GTF2F2: variants seen among roughly 807,000 people sequenced by gnomAD.
GTF2F2 encodes the protein ATP-dependent helicase GTF2F2.
A neutral mutation model predicts 42.2 loss-of-function variants in GTF2F2; 23 were observed. That is an observed-to-expected ratio of 0.55 (90% CI 0.39 to 0.77). The LOEUF (loss-of-function observed/expected upper bound fraction) is 0.77, where lower values mean the gene tolerates loss of function less well. GTF2F2 is among the 30% of genes least tolerant of loss of function. The probability of loss-of-function intolerance (pLI) is 0.00; values close to 1 mark genes in which losing one functional copy is unlikely to be tolerated. For missense variants in GTF2F2, 261 were observed against 287.2 expected, an observed-to-expected ratio of 0.91 and a Z score of 0.66; for synonymous variants, 105 against 100.8, an observed-to-expected ratio of 1.04 and a Z score of -0.25.
At chr13:45,124,610 G>C (rs182702715) in intron 1 of GTF2F2, among the ~76,000 whole-genome samples, 1 of 152,118 alleles carries the variant, frequency 6.6e-6, no homozygotes, top group African/African-American at 2.4e-5. Context: ...GGTCACCCAG[G>C]CTGGTGTGCA....
intron 4 of GTF2F2, among the ~76,000 whole-genome samples, chr13:45,173,698 A>G (rs1463183016): frequency 6.8e-6 from 1 of 147,344 alleles, no homozygotes; most frequent in East Asian, 2.0e-4. Context: ...GCTCACTGCA[A>G]GCTCCGCCTC....
chr13:45,124,013 T>C, intron 1 of GTF2F2: 1 of 1,107,898 alleles, frequency 9.0e-7, no homozygotes, highest in Non-Finnish European at 1.3e-6. Context: ...CCAGGGGTCT[T>C]ACTCCTTAGA....
chr13:45,278,446 A>ACCTGAGCCAGTTTTTGG (rs1172660793), intron 7 of GTF2F2, among the ~76,000 whole-genome samples: 2 of 152,200 alleles, frequency 1.3e-5, no homozygotes, highest in African/African-American at 4.8e-5. Context: ...GAATTGCTGG[A>ACCTGAGCCAGTTTTTGG]CCTGAGCCAG....
intron 6 of GTF2F2, among the ~76,000 whole-genome samples, chr13:45,258,373 A>G (rs913439829): frequency 5.9e-5 from 9 of 152,088 alleles, no homozygotes; most frequent in Admixed American, 2.0e-4. Flanking sequence ...AAAAAAAAAA[A>G]AAGAAGAAAA....
rs374075156 is a variant in GTF2F2 at position 45,244,721 on chromosome 13, C to T, written c.387-8150C>T. Among the ~76,000 whole-genome samples, 7 of 152,086 alleles carry T rather than the reference C, an allele frequency of 4.6e-5. 1 individual carries two copies. Among genetic ancestry groups the T allele is most frequent in the Admixed American group, 3.9e-4 (6 of 15,274 alleles). ...AGTCTCACTCTGTTGCCCAGGCTGGCGTGCAGTGGCACAATCTTGGCTCAC... is the reference window on the plus strand; with the variant it reads ...AGTCTCACTCTGTTGCCCAGGCTGGTGTGCAGTGGCACAATCTTGGCTCAC... On this transcript the variant is annotated intron_variant, in intron 5 of 7. Transcript: ENST00000340473.
chr13:45,241,870 C>G (rs1875329870), intron 5 of GTF2F2, among the ~76,000 whole-genome samples: 1 of 152,098 alleles, frequency 6.6e-6, no homozygotes. Flanking sequence ...ATCATGGTCC[C>G]TGTTTTCATG....
At chr13:45,153,491 G>A (rs190703732) in intron 4 of GTF2F2, among the ~76,000 whole-genome samples, 1 of 152,254 alleles carries the variant, frequency 6.6e-6, no homozygotes, top group East Asian at 1.9e-4. Flanking sequence ...CTGATAATTA[G>A]TAGTGTAGTA....
intron 5 of GTF2F2, among the ~76,000 whole-genome samples, chr13:45,211,134 T>C (rs1244011054): frequency 6.6e-6 from 1 of 152,146 alleles, no homozygotes; most frequent in Non-Finnish European, 1.5e-5. Flanking sequence ...TCCTGTGCAT[T>C]GCAAGGAAAG....
At chr13:45,133,748 T>C (rs1200798286) in intron 1 of GTF2F2, among the ~76,000 whole-genome samples, 1 of 152,220 alleles carries the variant, frequency 6.6e-6, no homozygotes, top group African/African-American at 2.4e-5. Flanking sequence ...ATTAACTGTC[T>C]TTGTCCTGCC....
intron 4 of GTF2F2, among the ~76,000 whole-genome samples, chr13:45,186,526 G>A (rs1413012765): frequency 1.3e-5 from 2 of 150,876 alleles, no homozygotes; most frequent in Non-Finnish European, 3.0e-5. Context: ...CTCCTGACCT[G>A]GTGATTCACC....
In GTF2F2 at chr13:45,126,095, G is replaced by T. The variant is rs1221164616; in HGVS notation, c.66+5374G>T. On this transcript the variant is annotated intron_variant, in intron 1 of 7. Coordinates refer to ENST00000340473, the MANE Select transcript of GTF2F2 (RefSeq NM_004128.3). ...TGGGAATAATGCCCTCAGTGCTGAAGGGGGAATCTGGGTGTCACATCATGA... is the reference window on the plus strand; with the variant it reads ...TGGGAATAATGCCCTCAGTGCTGAATGGGGAATCTGGGTGTCACATCATGA... Among the ~76,000 whole-genome samples the T allele has an allele frequency of 2.6e-5, 4 of 152,222 alleles. No individual in the cohort carries two copies. The East Asian group carries it at 7.7e-4, about 29-fold the overall frequency.
At chr13:45,238,954 AAAAAAAGG>A (rs1173612526) in intron 5 of GTF2F2, among the ~76,000 whole-genome samples, 2 of 151,914 alleles carry the variant, frequency 1.3e-5, no homozygotes, top group African/African-American at 4.8e-5. Context: ...CGAAAAAAAA[AAAAAAAGG>A]AAAAAAAGGA....
intron 5 of GTF2F2, among the ~76,000 whole-genome samples, chr13:45,235,794 G>A (rs1057465498): frequency 4.6e-5 from 7 of 151,600 alleles, no homozygotes; most frequent in African/African-American, 1.5e-4. Context: ...TAGTAGAGAC[G>A]GGGTTTCACC....
chr13:45,167,556 C>T (rs1334837048), intron 4 of GTF2F2, among the ~76,000 whole-genome samples: 1 of 152,048 alleles, frequency 6.6e-6, no homozygotes, highest in African/African-American at 2.4e-5. Context: ...CACCACCACA[C>T]CCAGCTAATT....
chr13:45,265,032 G>T (rs923160797), intron 6 of GTF2F2, among the ~76,000 whole-genome samples: 4 of 152,056 alleles, frequency 2.6e-5, no homozygotes, highest in Admixed American at 2.6e-4. Flanking sequence ...AGGCCGAGGC[G>T]GGCGGATCAC....
chr13:45,184,971 C>A lies in GTF2F2; in HGVS notation c.305-22453C>A, dbSNP rs539800228. On this transcript the variant is annotated intron_variant, in intron 4 of 7. Coordinates refer to ENST00000340473, the MANE Select transcript of GTF2F2 (RefSeq NM_004128.3). ...GAACTATAGGTGTGGGCCACCACGC[C>A]CAACTGTTTTTGTGTGTGTGTGTGT... Among the ~76,000 whole-genome samples the A allele has an allele frequency of 2.2e-3, 328 of 152,170 alleles. 2 individuals are homozygous for A. The highest frequency in any genetic ancestry group is 7.8e-3 in the African/African-American group (323 of 41,462).
chr13:45,206,634 A>G (rs936915355), intron 4 of GTF2F2: 1 of 152,198 alleles, frequency 6.6e-6, no homozygotes, highest in Non-Finnish European at 1.5e-5. Flanking sequence ...AGACATTTAT[A>G]TGTGTATTAT....
intron 1 of GTF2F2, among the ~76,000 whole-genome samples, chr13:45,126,035 T>C (rs1304305229): frequency 6.6e-6 from 1 of 152,064 alleles, no homozygotes; most frequent in Non-Finnish European, 1.5e-5. Context: ...GCCTAATAGC[T>C]GAGGGCTGTC....
At chr13:45,275,938 A>G (rs1319579756) in intron 7 of GTF2F2, among the ~76,000 whole-genome samples, 1 of 152,132 alleles carries the variant, frequency 6.6e-6, no homozygotes. Flanking sequence ...AAGTGTTCCT[A>G]TTTCTCCACA....
Sources: gnomAD v4.1 joint callset for allele counts (sites outside exome capture counted in the v4.1 genomes callset) on GRCh38, gnomAD v4.1.1 for gene constraint, MANE v1.5 for transcripts, NCBI Gene and HGNC (gene_info 2026-07-23, HGNC 2026-07-21) for gene names.